Variants in APCDD1 observed in about 807,000 individuals in gnomAD.
APCDD1 encodes protein APCDD1.
In APCDD1, 15 loss-of-function variants were observed where a neutral mutation model predicts 38.1. The observed-to-expected ratio is 0.39, with a 90% CI of 0.26 to 0.61. The LOEUF is 0.61. Ranked by LOEUF, APCDD1 falls within the 20% of genes least tolerant of loss-of-function variation. The pLI, the probability that APCDD1 is intolerant of heterozygous loss-of-function variation, is 0.49. For synonymous variants in APCDD1, 261 were observed against 279.7 expected, an observed-to-expected ratio of 0.93 and a Z score of 0.67; for missense variants, 647 against 696.2, an observed-to-expected ratio of 0.93 and a Z score of 0.79.
Position 10,489,823 on chromosome 18 carries a change from C to A in APCDD1, c.*1785C>A, listed in dbSNP as rs1435596747. ...TAAGTTGTGGTGCAGACTGAGGGGG[C>A]TTATTCAAAATGAAAATACTAACTT... On this transcript the variant is annotated 3_prime_UTR_variant, in exon 5 of 5. Coordinates refer to ENST00000355285, the MANE Select transcript of APCDD1 (RefSeq NM_153000.5). 1 of 152,040 alleles carries A rather than the reference C, an allele frequency of 6.6e-6. No homozygotes were observed. Among genetic ancestry groups the A allele is most frequent in the African/African-American group, 2.4e-5 (1 of 41,388 alleles). The allele number at this position is 152,040 out of a possible 1,614,324, so 9.4% of individuals were successfully genotyped here. A position where few individuals can be genotyped will look rare whatever the true frequency, so the allele number is the denominator to read the frequency against.
chr18:10,487,058 A>C (rs944025229), intron 4 of APCDD1, among the ~76,000 whole-genome samples: 68 of 152,214 alleles, frequency 4.5e-4, no homozygotes, highest in African/African-American at 1.6e-3. Flanking sequence ...TTATTCACTC[A>C]CATTTTTCTT....
intron 1 of APCDD1, among the ~76,000 whole-genome samples, chr18:10,461,465 G>T (rs933993566): frequency 6.6e-6 from 1 of 152,180 alleles, no homozygotes; most frequent in Non-Finnish European, 1.5e-5. Flanking sequence ...TCTGGACTGG[G>T]AACAGTCCCT....
chr18:10,473,229 C>T (rs1209091365), intron 3 of APCDD1, among the ~76,000 whole-genome samples: 1 of 152,154 alleles, frequency 6.6e-6, no homozygotes, highest in Admixed American at 6.5e-5. Context: ...TTATTGTGAG[C>T]TTGTGCAATG....
At chr18:10,465,769 G>C (rs887720258) in intron 1 of APCDD1, among the ~76,000 whole-genome samples, 2 of 152,176 alleles carry the variant, frequency 1.3e-5, no homozygotes, top group Admixed American at 1.3e-4. Context: ...CGGGTATCTC[G>C]TGACTGTTGT....
rs755195456 is a variant in APCDD1, at chr18:10,488,191, C to A, written c.*153C>A. ...TCTCCCTCCCTCCCAGCCCCTGAGT[C>A]ATGAACAGCAAGGAGTGTTTGAAGT... On this transcript the variant is annotated 3_prime_UTR_variant, in exon 5 of 5. Transcript: ENST00000355285. 1 of 957,672 alleles carries A rather than the reference C, an allele frequency of 1.0e-6. No homozygotes were observed. The highest frequency in any genetic ancestry group is 1.6e-6 in the Non-Finnish European group (1 of 639,692). 59.3% of individuals were successfully genotyped at this position (957,672 alleles called of 1,614,324 possible).
In APCDD1 at chr18:10,487,849, A is replaced by G. The variant is rs774600867; in HGVS notation, c.1356A>G (p.Pro452=). ...GCGACGGGTCCAGCCCAGACAGGCC[A>G]GAGAAGAGAGCCACGTCCTACCAGA... ...RPSDGSSPDR[P]EKRATSYQMP... Residue 452 remains proline, a synonymous_variant, in exon 5 of 5, where the codon CCA becomes CCG. Coordinates refer to ENST00000355285, the MANE Select transcript of APCDD1 (RefSeq NM_153000.5). 8 of 1,613,850 alleles carry G rather than the reference A, an allele frequency of 5.0e-6. No individual in the cohort carries two copies. The East Asian group carries it at 6.7e-5, about 13-fold the overall frequency.
At position 10,468,475 on chromosome 18, in the gene APCDD1, G is replaced by T. The variant is rs963977619; in HGVS notation, c.65G>T (p.Gly22Val). 12 of 1,614,068 alleles carry T rather than the reference G, an allele frequency of 7.4e-6. No individual in the cohort carries two copies. In the Admixed American group the frequency reaches 1.8e-4, roughly 25 times the overall value. The change falls in exon 2 of 5, where the codon GGA becomes GTA. Residue 22 changes from glycine (G) to valine (V), a missense_variant. Physicochemically the swap from Gly to Val is moderately radical, Grantham distance 109. Coordinates refer to ENST00000355285, the MANE Select transcript of APCDD1 (RefSeq NM_153000.5). ...TTCCACCTTTATTTTTCAGGGCTGG[G>T]AGAGGGTTCTGCCCTCCTTCATCCA... ...LFPALLLHGL[G>V]EGSALLHPDS...
At chr18:10,459,315 T>TGCAC (rs1555643894) in intron 1 of APCDD1, among the ~76,000 whole-genome samples, 1 of 84,586 alleles carries the variant, frequency 1.2e-5, no homozygotes, top group Non-Finnish European at 2.3e-5. Context: ...CCCACAAGCG[T>TGCAC]GCACACACAC....
At position 10,454,892 on chromosome 18, in the gene APCDD1, C is replaced by G; in HGVS notation, c.-90C>G. 7.5e-7 allele frequency: 1 copy of G among 1,332,652 alleles called. No homozygotes were observed. Among genetic ancestry groups the G allele is most frequent in the East Asian group, 3.4e-5 (1 of 29,678 alleles). 82.6% of individuals were successfully genotyped at this position (1,332,652 alleles called of 1,614,324 possible). A position where few individuals can be genotyped will look rare whatever the true frequency, so the allele number is the denominator to read the frequency against. ...AGCCCCGGCCTGGCCCGGCCGCACCCGGCCGGAGGCGGAGGGCAGAGCGCG... is the reference window on the plus strand; with the variant it reads ...AGCCCCGGCCTGGCCCGGCCGCACCGGGCCGGAGGCGGAGGGCAGAGCGCG... On this transcript the variant is annotated 5_prime_UTR_variant, in exon 1 of 5. Coordinates refer to ENST00000355285, the MANE Select transcript of APCDD1 (RefSeq NM_153000.5).
In APCDD1 at chr18:10,475,291, T is replaced by C. The variant is rs1477782433; in HGVS notation, c.774+3230T>C. ...CTCTGCTAAGGCAGTTGTGGGAACATTTACCCAGATTCTTAAGAAATAGAC... is the reference window on the plus strand; with the variant it reads ...CTCTGCTAAGGCAGTTGTGGGAACACTTACCCAGATTCTTAAGAAATAGAC... On this transcript the variant is annotated intron_variant, in intron 3 of 4. Transcript: ENST00000355285. This position sits in a 1 kb window ranked among gnomAD's most constrained non-coding sequence, Gnocchi z 4.0. Among the ~76,000 whole-genome samples, 1 of 152,176 alleles carries C rather than the reference T, an allele frequency of 6.6e-6. No individual in the cohort carries two copies. Among genetic ancestry groups the C allele is most frequent in the African/African-American group, 2.4e-5 (1 of 41,452 alleles).
Position 10,487,896 on chromosome 18 carries a change from C to T in APCDD1, c.1403C>T (p.Ser468Phe). The T allele has an allele frequency of 1.9e-6, 3 of 1,613,426 alleles. No individual in the cohort carries two copies. Among genetic ancestry groups the T allele is most frequent in the African/African-American group, 2.7e-5 (2 of 75,046 alleles). ...CAGATGCCCTTGGTCCAGTGTGCCT[C>T]CTCTTCGCCGAGGGCAGAGGACCTC... The part of the protein sequence containing the change: ...SYQMPLVQCA[S>F]SSPRAEDLAE... Residue 468 changes from serine to phenylalanine, a missense_variant, in exon 5 of 5, where the codon TCC (serine) becomes TTC (phenylalanine). Physicochemically the swap from Ser to Phe is radical, Grantham distance 155 (BLOSUM62 -2). Transcript: ENST00000355285.
intron 1 of APCDD1, among the ~76,000 whole-genome samples, chr18:10,459,316 G>GCACACACACACACA (rs56849201): frequency 3.4e-4 from 51 of 150,240 alleles, no homozygotes; most frequent in African/African-American, 1.2e-3. Context: ...CCACAAGCGT[G>GCACACACACACACA]CACACACACA....
At chr18:10,483,530 G>A (rs2031185078) in intron 3 of APCDD1, among the ~76,000 whole-genome samples, 1 of 152,218 alleles carries the variant, frequency 6.6e-6, no homozygotes, top group Non-Finnish European at 1.5e-5. Flanking sequence ...AGCAGCAGCT[G>A]GGAAGCCCAC....
rs777131912 is a variant in APCDD1 at position 10,454,953 on chromosome 18, G to T, written c.-29G>T. 1.3e-6 allele frequency: 2 copies of T among 1,502,190 alleles called. No individual in the cohort carries two copies. Among genetic ancestry groups the T allele is most frequent in the South Asian group, 2.5e-5 (2 of 79,468 alleles). 93.1% of individuals were successfully genotyped at this position (1,502,190 alleles called of 1,614,324 possible). A position where few individuals can be genotyped will look rare whatever the true frequency, so the allele number is the denominator to read the frequency against. The stretch of plus-strand genomic sequence containing the variant: ...CCCGGGCACCAAATCGGAGCGCGGC[G>T]TGCGGGAGGCCCCAGAGCAGGACTG... On this transcript the variant is annotated 5_prime_UTR_variant, in exon 1 of 5. Coordinates refer to ENST00000355285, the MANE Select transcript of APCDD1 (RefSeq NM_153000.5).
At chr18:10,477,346 C>T (rs1192971146) in intron 3 of APCDD1, 1 of 152,186 alleles carries the variant, frequency 6.6e-6, no homozygotes, top group Non-Finnish European at 1.5e-5. Flanking sequence ...TATGAAAAAA[C>T]AGAGCTGGCA....
At position 10,471,142 on chromosome 18, in the gene APCDD1, G is replaced by T. The variant is rs2030841565; in HGVS notation, c.243-388G>T. Among the ~76,000 whole-genome samples, 1 of 152,240 alleles carries T rather than the reference G, an allele frequency of 6.6e-6. No individual in the cohort carries two copies. The highest frequency in any genetic ancestry group is 2.4e-5 in the African/African-American group (1 of 41,478). On this transcript the variant is annotated intron_variant, in intron 2 of 4. Coordinates refer to ENST00000355285, the MANE Select transcript of APCDD1 (RefSeq NM_153000.5). This position sits in a 1 kb window ranked among gnomAD's most constrained non-coding sequence, Gnocchi z 5.5. ...AGCACTCATCCTCCTTATCCAGAAA[G>T]AAATGCCTGCACAGGGCAGCAGGTG...
In APCDD1 at chr18:10,470,441, C is replaced by T. The variant is rs565237115; in HGVS notation, c.243-1089C>T. 6.6e-6 allele frequency among the ~76,000 whole-genome samples: 1 copy of T among 152,244 alleles called. No homozygotes were observed. The highest frequency in any genetic ancestry group is 2.1e-4 in the South Asian group (1 of 4,826). ...TCAAACGTTACATAGCAACGGTACC[C>T]CTGTCTAAATAATGCTTATCTTTCA... is the stretch of plus-strand genomic sequence containing the variant. On this transcript the variant is annotated intron_variant, in intron 2 of 4. Coordinates refer to ENST00000355285, the MANE Select transcript of APCDD1 (RefSeq NM_153000.5). The surrounding 1 kb of genome is among the most constrained non-coding windows in gnomAD (Gnocchi z 4.1).
rs1369194050 is a variant in APCDD1 at position 10,468,571 on chromosome 18, A to G, written c.161A>G (p.His54Arg). ...GCTTTTAAGGAGTCACAGTGCCATC[A>G]CATGCTCAAACATCTCCACAATGGT... ...WRAFKESQCHHMLKHLHNGAR... is the reference protein window; with the variant it reads ...WRAFKESQCHRMLKHLHNGAR... Residue 54 changes from histidine (H) to arginine (R), a missense_variant, in exon 2 of 5, where the codon CAC (histidine) becomes CGC (arginine). Physicochemically the swap from His to Arg is conservative, Grantham distance 29 (BLOSUM62 0). Coordinates refer to ENST00000355285, the MANE Select transcript of APCDD1 (RefSeq NM_153000.5). 6.2e-7 allele frequency: 1 copy of G among 1,614,136 alleles called. No homozygotes were observed. Among genetic ancestry groups the G allele is most frequent in the South Asian group, 1.1e-5 (1 of 91,082 alleles).
At chr18:10,482,504 G>C (rs139475284) in intron 3 of APCDD1, among the ~76,000 whole-genome samples, 3 of 152,206 alleles carry the variant, frequency 2.0e-5, no homozygotes, top group Non-Finnish European at 2.9e-5. Flanking sequence ...CTGATGGTAC[G>C]AGTGCTTCAT....
Sources: gnomAD v4.1 joint callset for allele counts (sites outside exome capture counted in the v4.1 genomes callset) on GRCh38, gnomAD v4.1.1 for gene constraint, Gnocchi (gnomAD v3.1) non-coding constraint, MANE v1.5 for transcripts, NCBI Gene and HGNC (gene_info 2026-07-23, HGNC 2026-07-21) for gene names.